STAU2: variants seen among roughly 807,000 people sequenced by gnomAD.
STAU2 encodes double-stranded RNA-binding protein Staufen homolog 2.
In STAU2, 20 loss-of-function variants were observed where a neutral mutation model predicts 65.9. The ratio of observed to expected loss-of-function variants is 0.30; its 90% CI spans 0.21 to 0.44. The LOEUF is 0.44. Ranked by LOEUF, STAU2 falls within the 20% of genes least tolerant of loss-of-function variation. STAU2 has a pLI of 1.00. For synonymous variants in STAU2, 232 were observed against 233.9 expected (o/e 0.99, Z 0.07); for missense variants, 558 against 683.9 (o/e 0.82, Z 2.05).
chr8:73,706,914 A>G (rs893179978), intron 4 of STAU2, among the ~76,000 whole-genome samples: 4 of 152,208 alleles, frequency 2.6e-5, no homozygotes, highest in African/African-American at 9.6e-5. Context: ...AAAAATTACA[A>G]TGGATTCCTA....
chr8:73,688,430 T>C (rs1008176797), intron 5 of STAU2, among the ~76,000 whole-genome samples: 3 of 152,020 alleles, frequency 2.0e-5, no homozygotes, highest in Admixed American at 6.5e-5. Context: ...CCTCCCAAAG[T>C]GCTGGGATTA....
intron 8 of STAU2, among the ~76,000 whole-genome samples, chr8:73,614,571 T>C (rs187790979): frequency 6.2e-4 from 95 of 152,334 alleles, no homozygotes; most frequent in Admixed American, 1.2e-3. Context: ...GTTATGGACC[T>C]GTCAACTATG....
At chr8:73,444,957 A>G (rs1034406101) in intron 13 of STAU2, among the ~76,000 whole-genome samples, 3 of 152,202 alleles carry the variant, frequency 2.0e-5, no homozygotes, top group African/African-American at 7.2e-5. Flanking sequence ...CTTCAGAGGA[A>G]GGCATCCTCG....
At chr8:73,468,954 A>G (rs377029091) in intron 13 of STAU2, among the ~76,000 whole-genome samples, 45,266 of 151,380 alleles carry the variant, frequency 0.3, 7,322 homozygotes, top group East Asian at 0.55. Flanking sequence ...CCCATTACTG[A>G]GTATATACCC....
At chr8:73,434,114 G>C (rs1009223278) in intron 13 of STAU2, among the ~76,000 whole-genome samples, 1 of 151,804 alleles carries the variant, frequency 6.6e-6, no homozygotes, top group Non-Finnish European at 1.5e-5. Flanking sequence ...AACATTTCCT[G>C]GCTGTGGTCA....
In STAU2 at chr8:73,654,588, C is replaced by T. The variant is rs969781647; in HGVS notation, c.410+18519G>A. Reference sequence around the variant, plus strand: ...CCAGAAGGTCATGGCTGCACTGAGCCGTGATCATGCCACTGTACTCCAGCC... The same window carrying T: ...CCAGAAGGTCATGGCTGCACTGAGCTGTGATCATGCCACTGTACTCCAGCC... On this transcript the variant is annotated intron_variant, in intron 6 of 14. Coordinates refer to ENST00000524300, the MANE Select transcript of STAU2 (RefSeq NM_001164380.2). 2.4e-5 allele frequency among the ~76,000 whole-genome samples: 3 copies of T among 126,814 alleles called. No homozygotes were observed. The East Asian group carries it at 7.1e-4, about 30-fold the overall frequency. The allele number at this position is 126,814 out of a possible 152,430, so 83.2% of individuals were successfully genotyped here.
chr8:73,533,218 T>C (rs1019355661), intron 13 of STAU2, among the ~76,000 whole-genome samples: 2 of 152,254 alleles, frequency 1.3e-5, no homozygotes, highest in Non-Finnish European at 2.9e-5. Context: ...TATAATGTTA[T>C]AGAGCTTCTT....
chr8:73,575,002 C>T (rs543739505), intron 12 of STAU2, among the ~76,000 whole-genome samples: 1 of 150,902 alleles, frequency 6.6e-6, no homozygotes, highest in Non-Finnish European at 1.5e-5. Flanking sequence ...CTTACACATG[C>T]TATAAAAGAA....
chr8:73,658,107 T>TA (rs1374011632), intron 6 of STAU2, among the ~76,000 whole-genome samples: 1 of 152,038 alleles, frequency 6.6e-6, no homozygotes, highest in Non-Finnish European at 1.5e-5. Context: ...CTCACGCCTG[T>TA]AATCCCAGCA....
chr8:73,636,181 C>G (rs1814498630), intron 6 of STAU2, among the ~76,000 whole-genome samples: 1 of 152,106 alleles, frequency 6.6e-6, no homozygotes, highest in Non-Finnish European at 1.5e-5. Flanking sequence ...ATAGCAAAAC[C>G]CCATATCTAT....
chr8:73,582,414 ACTT>A (rs533093174), intron 12 of STAU2, among the ~76,000 whole-genome samples: 16 of 150,456 alleles, frequency 1.1e-4, no homozygotes, highest in African/African-American at 3.6e-4. Flanking sequence ...ATAGATAATT[ACTT>A]CTTTATTTTT....
At chr8:73,606,032 A>AAAAAG (rs1812013427) in intron 9 of STAU2, among the ~76,000 whole-genome samples, 3 of 92,844 alleles carry the variant, frequency 3.2e-5, no homozygotes, top group African/African-American at 1.1e-4. Flanking sequence ...AAAAGAAAAA[A>AAAAAG]AAATCTTCAA....
intron 1 of STAU2, among the ~76,000 whole-genome samples, chr8:73,741,673 T>C (rs1212969261): frequency 1.3e-5 from 2 of 151,838 alleles, no homozygotes; most frequent in African/African-American, 4.8e-5. Context: ...CCACCATGCC[T>C]GGCTAATTTT....
intron 13 of STAU2, among the ~76,000 whole-genome samples, chr8:73,514,372 CTGAA>C (rs1563396060): frequency 6.6e-6 from 1 of 152,170 alleles, no homozygotes; most frequent in African/African-American, 2.4e-5. Flanking sequence ...TCCCTTGTTC[CTGAA>C]TGAAGAACGG....
In STAU2 at chr8:73,462,431, T is replaced by C. The variant is rs1819413681; in HGVS notation, c.1531-39729A>G. 5.9e-5 allele frequency among the ~76,000 whole-genome samples: 9 copies of C among 152,048 alleles called. No individual in the cohort carries two copies. In the South Asian group the frequency reaches 1.9e-3, roughly 32 times the overall value. ...TTATTTTTTTGACAGGGTCTCGCTCTGTCACCCAGGCTGGACTTTAGTGGC... is the reference window on the plus strand; with the variant it reads ...TTATTTTTTTGACAGGGTCTCGCTCCGTCACCCAGGCTGGACTTTAGTGGC... On this transcript the variant is annotated intron_variant, in intron 13 of 14. Transcript: ENST00000524300.
intron 4 of STAU2, among the ~76,000 whole-genome samples, chr8:73,707,132 C>T (rs1331856963): frequency 6.6e-6 from 1 of 152,128 alleles, no homozygotes; most frequent in Non-Finnish European, 1.5e-5. Context: ...ATCCAGGACA[C>T]AATGGAGGAG....
chr8:73,558,329 A>C (rs1463858125), intron 12 of STAU2, among the ~76,000 whole-genome samples: 1 of 152,256 alleles, frequency 6.6e-6, no homozygotes, highest in African/African-American at 2.4e-5. Flanking sequence ...GAGTTTATAC[A>C]TGATTTTAAA....
chr8:73,517,569 T>C (rs1031717763), intron 13 of STAU2, among the ~76,000 whole-genome samples: 8 of 152,250 alleles, frequency 5.3e-5, no homozygotes, highest in Non-Finnish European at 8.8e-5. Context: ...AACATCAAAT[T>C]ATCTTCAGAG....
intron 12 of STAU2, among the ~76,000 whole-genome samples, chr8:73,555,614 AC>A (rs903565678): frequency 2.0e-5 from 3 of 152,126 alleles, no homozygotes; most frequent in African/African-American, 7.2e-5. Flanking sequence ...AAAAAAAAAT[AC>A]AAAATTTAAA....
Sources: gnomAD v4.1 joint callset for allele counts (sites outside exome capture counted in the v4.1 genomes callset) on GRCh38, gnomAD v4.1.1 for gene constraint, MANE v1.5 for transcripts, NCBI Gene and HGNC (gene_info 2026-07-23, HGNC 2026-07-21) for gene names.